ACOT7: variants seen among roughly 807,000 people sequenced by gnomAD.
ACOT7 encodes the protein acyl-CoA thioesterase 7, also known as cytosolic acyl coenzyme A thioester hydrolase.
A neutral mutation model predicts 40.2 loss-of-function variants in ACOT7; 12 were observed. The observed-to-expected ratio is 0.30, with a 90% confidence interval of 0.19 to 0.48. ACOT7 has a LOEUF of 0.48. ACOT7 is among the 20% of genes least tolerant of loss of function. ACOT7 has a pLI of 0.99. For missense variants in ACOT7, 395 were observed against 530.8 expected (o/e 0.74, Z 2.51); for synonymous variants, 228 against 219.5 (o/e 1.04, Z -0.34).
intron 1 of ACOT7, among the ~76,000 whole-genome samples, chr1:6,364,645 C>T (rs183105501): frequency 1.1e-3 from 159 of 151,384 alleles, no homozygotes; most frequent in African/African-American, 3.8e-3. Context: ...GTCAAGAAAT[C>T]GAGACTATCC....
chr1:6,320,319 G>A (rs900237851), intron 5 of ACOT7, among the ~76,000 whole-genome samples: 1 of 152,204 alleles, frequency 6.6e-6, no homozygotes, highest in African/African-American at 2.4e-5. Flanking sequence ...ACATCATTTT[G>A]AAACTGCAGG....
intron 8 of ACOT7, among the ~76,000 whole-genome samples, chr1:6,279,220 AG>A (rs144913969): frequency 9.8e-5 from 15 of 152,310 alleles, no homozygotes; most frequent in African/African-American, 3.6e-4. Context: ...GCCTCATAGC[AG>A]GGTCAGGGGC....
chr1:6,268,696 G>A lies in ACOT7; in HGVS notation c.1015-4001C>T, dbSNP rs188577653. Reference sequence around the variant, plus strand: ...CACGCGGCACGGCCCGAACGGCAGGGAGATCTCCGCCCAAGAGCGAGAAAA... The same window carrying A: ...CACGCGGCACGGCCCGAACGGCAGGAAGATCTCCGCCCAAGAGCGAGAAAA... On this transcript the variant is annotated intron_variant, in intron 8 of 8. Coordinates refer to ENST00000361521, the MANE Select transcript of ACOT7 (RefSeq NM_007274.4). Among the ~76,000 whole-genome samples the A allele has an allele frequency of 6.6e-3, 1,007 of 152,376 alleles. 7 individuals carry two copies. The highest frequency in any genetic ancestry group is 0.016 in the East Asian group (83 of 5,178).
intron 1 of ACOT7, among the ~76,000 whole-genome samples, chr1:6,387,416 C>T (rs1642458118): frequency 6.6e-6 from 1 of 152,158 alleles, no homozygotes; most frequent in Non-Finnish European, 1.5e-5. Context: ...TCAAGTTTCC[C>T]CATTATCTCC....
chr1:6,324,154 AC>A (rs1640736201), intron 5 of ACOT7, among the ~76,000 whole-genome samples: 1 of 151,602 alleles, frequency 6.6e-6, no homozygotes, highest in African/African-American at 2.4e-5. Context: ...AGATGAGCCC[AC>A]CCCTGGGCTC....
rs1290549900 is a variant in ACOT7, at chr1:6,355,466, T to TTC, written c.144-5602_144-5601dup. ...CAGCCTTGCACGAGGAGGAGGAACC[T>TTC]TCTCAGAGACCAGCTGTCAGGTGAA... On this transcript the variant is annotated intron_variant, in intron 1 of 8. Coordinates refer to ENST00000361521, the MANE Select transcript of ACOT7 (RefSeq NM_007274.4). The surrounding 1 kb of genome is among the most constrained non-coding windows in gnomAD (Gnocchi z 5.0). 1.3e-5 allele frequency among the ~76,000 whole-genome samples: 2 copies of TTC among 152,098 alleles called. No individual in the cohort carries two copies. The highest frequency in any genetic ancestry group is 2.9e-5 in the Non-Finnish European group (2 of 68,028).
chr1:6,327,058 C>T (rs953230701), intron 5 of ACOT7, among the ~76,000 whole-genome samples: 7 of 152,220 alleles, frequency 4.6e-5, no homozygotes, highest in African/African-American at 1.7e-4. Context: ...GCACAGTGCC[C>T]TCTGGGACTC....
At chr1:6,343,570 G>C (rs753988350) in intron 2 of ACOT7, among the ~76,000 whole-genome samples, 2 of 152,266 alleles carry the variant, frequency 1.3e-5, no homozygotes, top group African/African-American at 4.8e-5. Context: ...GCCTGGAACT[G>C]TCTCTTTCAC....
intron 8 of ACOT7, among the ~76,000 whole-genome samples, chr1:6,279,085 G>A (rs77556705): frequency 0.014 from 2,158 of 152,340 alleles, 30 homozygotes; most frequent in East Asian, 0.037. Context: ...AGACCAGAGC[G>A]GGCCCAGGTG....
rs931553033 is a variant in ACOT7, at chr1:6,393,159, G to A, written c.143+98C>T. Reference sequence around the variant, plus strand: ...GTGCGGGGAATCGGCGGGCGGGGGCGGCCTCGGCGGGTGGGGACCACAGAG... The same window carrying A: ...GTGCGGGGAATCGGCGGGCGGGGGCAGCCTCGGCGGGTGGGGACCACAGAG... On this transcript the variant is annotated intron_variant, in intron 1 of 8. Coordinates refer to ENST00000361521, the MANE Select transcript of ACOT7 (RefSeq NM_007274.4). 3.6e-5 allele frequency: 42 copies of A among 1,167,460 alleles called. No homozygotes were observed. In the African/African-American group the frequency reaches 5.5e-4, roughly 15 times the overall value. The allele number at this position is 1,167,460 out of a possible 1,614,324, so 72.3% of individuals were successfully genotyped here.
chr1:6,379,573 C>G (rs748445945), intron 1 of ACOT7, among the ~76,000 whole-genome samples: 6 of 151,672 alleles, frequency 4.0e-5, no homozygotes, highest in Admixed American at 1.3e-4. Context: ...AAGCAATCCT[C>G]TCACCTCAGC....
At chr1:6,380,586 C>CAAA (rs58196406) in intron 1 of ACOT7, among the ~76,000 whole-genome samples, 1 of 85,332 alleles carries the variant, frequency 1.2e-5, no homozygotes, top group African/African-American at 3.5e-5. Flanking sequence ...AAGACCGTCT[C>CAAA]AAAAAAAAAA....
rs1241635439 is a variant in ACOT7, at chr1:6,282,465, A to G, written c.830-1179T>C. On this transcript the variant is annotated intron_variant, in intron 7 of 8. Transcript: ENST00000361521. This position sits in a 1 kb window ranked among gnomAD's most constrained non-coding sequence, Gnocchi z 4.5. ...TCTATTCTGGGCCAGGCTCAAGGAT[A>G]TCCCTGCCCGACTCTGGCTGCTGGG... Among the ~76,000 whole-genome samples the G allele has an allele frequency of 1.3e-5, 2 of 152,126 alleles. No homozygotes were observed. Among genetic ancestry groups the G allele is most frequent in the Non-Finnish European group, 2.9e-5 (2 of 68,022 alleles).
intron 2 of ACOT7, among the ~76,000 whole-genome samples, chr1:6,344,426 C>T (rs560031799): frequency 6.6e-6 from 1 of 152,276 alleles, no homozygotes; most frequent in Non-Finnish European, 1.5e-5. Flanking sequence ...GGCAGAAGGC[C>T]ACTGATGACC....
At chr1:6,280,782 G>A (rs781759534) in intron 8 of ACOT7, among the ~76,000 whole-genome samples, 13 of 152,348 alleles carry the variant, frequency 8.5e-5, no homozygotes, top group East Asian at 1.9e-4. Flanking sequence ...CGACCTGGAC[G>A]CCCAGGCAGC....
Position 6,326,656 on chromosome 1 carries a change from T to C in ACOT7, c.625+643A>G, listed in dbSNP as rs573912165. 8.5e-5 allele frequency among the ~76,000 whole-genome samples: 13 copies of C among 152,154 alleles called. No individual in the cohort carries two copies. In the East Asian group the frequency reaches 2.1e-3, roughly 25 times the overall value. ...GAACAAGCCACTTGGCCAGGTGTGG[T>C]GGTTCACACATGTAATCTCAGCACT... On this transcript the variant is annotated intron_variant, in intron 5 of 8. Coordinates refer to ENST00000361521, the MANE Select transcript of ACOT7 (RefSeq NM_007274.4).
At chr1:6,270,705 C>A (rs143997776) in intron 8 of ACOT7, among the ~76,000 whole-genome samples, 2 of 152,196 alleles carry the variant, frequency 1.3e-5, no homozygotes, top group Non-Finnish European at 2.9e-5. Flanking sequence ...TGCCGGTGCA[C>A]GTGAGCTCCT....
chr1:6,323,530 C>G (rs1038442592), intron 5 of ACOT7, among the ~76,000 whole-genome samples: 2 of 151,928 alleles, frequency 1.3e-5, no homozygotes, highest in African/African-American at 4.8e-5. Flanking sequence ...CCAGCTTGGC[C>G]AACATGGCGA....
chr1:6,345,376 C>T (rs1037313026), intron 2 of ACOT7, among the ~76,000 whole-genome samples: 14 of 152,250 alleles, frequency 9.2e-5, no homozygotes, highest in African/African-American at 3.1e-4. Flanking sequence ...AAAAGAACAG[C>T]TCTGGGCCCT....
Sources: gnomAD v4.1 joint callset for allele counts (sites outside exome capture counted in the v4.1 genomes callset) on GRCh38, gnomAD v4.1.1 for gene constraint, Gnocchi (gnomAD v3.1) non-coding constraint, MANE v1.5 for transcripts, NCBI Gene and HGNC (gene_info 2026-07-23, HGNC 2026-07-21) for gene names.